Variants in MTAP observed in about 807,000 individuals in gnomAD.
MTAP encodes the protein S-methyl-5'-thioadenosine phosphorylase.
Under a neutral mutation model 33.6 loss-of-function variants are expected in MTAP, and 33 were observed. The ratio of observed to expected loss-of-function variants is 0.98; its 90% CI spans 0.74 to 1.31. The LOEUF (loss-of-function observed/expected upper bound fraction) is 1.31, where lower values mean the gene tolerates loss of function less well. Among genes scored for constraint, MTAP ranks in the 40% most tolerant of loss-of-function variants. The pLI, the probability that MTAP is intolerant of heterozygous loss-of-function variation, is 0.00. For synonymous variants in MTAP, 148 were observed against 125.7 expected (o/e 1.18, Z -1.19); for missense variants, 367 against 360.0 (o/e 1.02, Z -0.16).
intron 1 of MTAP, among the ~76,000 whole-genome samples, chr9:21,907,742 G>A (rs1429827633): frequency 1.3e-5 from 2 of 151,504 alleles, no homozygotes; most frequent in Non-Finnish European, 2.9e-5. Flanking sequence ...TAAGTCACAA[G>A]AAAAAATTTT....
At chr9:21,927,881 A>T (rs1288126199) in intron 1 of MTAP, among the ~76,000 whole-genome samples, 1 of 152,248 alleles carries the variant, frequency 6.6e-6, no homozygotes, top group South Asian at 2.1e-4. Flanking sequence ...TACTCCTATT[A>T]CATAGAGACC....
At chr9:21,832,484 CCTCA>C (rs970137373) in intron 4 of MTAP, among the ~76,000 whole-genome samples, 1 of 152,186 alleles carries the variant, frequency 6.6e-6, no homozygotes, top group Non-Finnish European at 1.5e-5. Context: ...TACTCATTTC[CCTCA>C]CTCTTTAGCT....
intron 1 of MTAP, chr9:21,808,687 A>T (rs1158599556): frequency 6.6e-6 from 1 of 152,168 alleles, no homozygotes; most frequent in African/African-American, 2.4e-5. Context: ...GGCTAAAATT[A>T]ACATGTGTAT....
At chr9:21,894,708 C>T (rs1818259897) in intron 1 of MTAP, among the ~76,000 whole-genome samples, 1 of 151,666 alleles carries the variant, frequency 6.6e-6, no homozygotes. Context: ...AACAAACCTG[C>T]ACGTTGTGCA....
At chr9:21,805,623 G>A (rs925902948) in intron 1 of MTAP, among the ~76,000 whole-genome samples, 47 of 152,146 alleles carry the variant, frequency 3.1e-4, no homozygotes, top group African/African-American at 1.1e-3. Flanking sequence ...GCGTGATTGG[G>A]GTCATAAAGG....
At chr9:21,832,769 CA>C (rs1247072459) in intron 4 of MTAP, among the ~76,000 whole-genome samples, 6 of 152,180 alleles carry the variant, frequency 3.9e-5, no homozygotes, top group Non-Finnish European at 5.9e-5. Flanking sequence ...TTAGGTGTCA[CA>C]ATCAGTTAAT....
At chr9:21,908,603 C>T (rs1818513373) in intron 1 of MTAP, among the ~76,000 whole-genome samples, 1 of 152,078 alleles carries the variant, frequency 6.6e-6, no homozygotes, top group Admixed American at 6.6e-5. Context: ...CTGACAATCT[C>T]TGTCTTTTAA....
chr9:21,847,067 A>G lies in MTAP; in HGVS notation c.451-7564A>G, dbSNP rs982249601. ...AATCAGCTGCCAGCATGGCTAGAAT[A>G]TAAGCAGGCAGAAAAATGTGAAAAG... On this transcript the variant is annotated intron_variant, in intron 5 of 7. Transcript: ENST00000644715. Among the ~76,000 whole-genome samples, 6 of 152,272 alleles carry G rather than the reference A, an allele frequency of 3.9e-5. No individual in the cohort carries two copies. The South Asian group carries it at 1.2e-3, about 32-fold the overall frequency.
chr9:21,870,567 C>T (rs1825920952), downstream of MTAP, among the ~76,000 whole-genome samples: 1 of 151,948 alleles, frequency 6.6e-6, no homozygotes, highest in African/African-American at 2.4e-5. Flanking sequence ...ATATGTGAGC[C>T]AATATGTAAT....
At chr9:21,869,103 C>T (rs1238146645), downstream of MTAP, among the ~76,000 whole-genome samples, 2 of 152,136 alleles carry the variant, frequency 1.3e-5, 1 homozygote, top group Non-Finnish European at 2.9e-5. Flanking sequence ...TTTCAGCACA[C>T]AAATATACTT....
intron 3 of MTAP, among the ~76,000 whole-genome samples, chr9:21,817,067 C>T (rs908435751): frequency 2.0e-5 from 3 of 152,106 alleles, no homozygotes; most frequent in Non-Finnish European, 2.9e-5. Context: ...TTTCCCCCTT[C>T]TTATAAAGAT....
chr9:21,814,942 TTTC>T (rs757835763), intron 1 of MTAP, among the ~76,000 whole-genome samples: 15 of 152,232 alleles, frequency 9.9e-5, no homozygotes, highest in Non-Finnish European at 2.2e-4. Context: ...TAATCTCTCA[TTTC>T]TTTATCAAAT....
chr9:21,807,651 C>A (rs906252757), intron 1 of MTAP, among the ~76,000 whole-genome samples: 1 of 152,066 alleles, frequency 6.6e-6, no homozygotes, highest in African/African-American at 2.4e-5. Context: ...AGTTGAGGAC[C>A]CCAAGGCTAA....
chr9:21,821,998 C>T (rs1824654659), intron 4 of MTAP, among the ~76,000 whole-genome samples: 2 of 152,124 alleles, frequency 1.3e-5, no homozygotes, highest in South Asian at 4.2e-4. Flanking sequence ...TTTTTTATTG[C>T]ATCTATTTGA....
At chr9:21,935,357 A>C (rs1052119362), downstream of MTAP, 9 of 152,146 alleles carry the variant, frequency 5.9e-5, no homozygotes, top group African/African-American at 2.2e-4. Flanking sequence ...TGAGAACTGC[A>C]ATGTGGGAGA....
chr9:21,936,962 TA>T (rs1039174444), exon 8 of MTAP: 5 of 152,270 alleles, frequency 3.3e-5, no homozygotes, highest in African/African-American at 1.2e-4. Flanking sequence ...AGATAAAATC[TA>T]AATGGATACA....
In MTAP at chr9:21,833,917, C is replaced by T. The variant is rs922290988; in HGVS notation, c.348-3991C>T. 2.0e-5 allele frequency among the ~76,000 whole-genome samples: 3 copies of T among 152,306 alleles called. No individual in the cohort carries two copies. The East Asian group carries it at 5.8e-4, about 29-fold the overall frequency. ...GCTTTTCTCCCTCTCTTTGAAAGTG[C>T]CAGTGTTCTTCCTTTCACTCTCTTG... is the stretch of plus-strand genomic sequence containing the variant. On this transcript the variant is annotated intron_variant, in intron 4 of 7. Coordinates refer to ENST00000644715, the MANE Select transcript of MTAP (RefSeq NM_002451.4).
chr9:21,902,238 G>A (rs896339022), intron 1 of MTAP, among the ~76,000 whole-genome samples: 1 of 152,196 alleles, frequency 6.6e-6, no homozygotes, highest in East Asian at 1.9e-4. Context: ...CAGTTCCACA[G>A]ATACTACCAT....
intron 1 of MTAP, among the ~76,000 whole-genome samples, chr9:21,882,275 A>G (rs956399319): frequency 1.3e-5 from 2 of 152,016 alleles, no homozygotes; most frequent in Non-Finnish European, 2.9e-5. Flanking sequence ...ATTTTATTTT[A>G]TACTACGTTT....
Sources: allele counts gnomAD v4.1 joint callset (sites outside exome capture counted in the v4.1 genomes callset), GRCh38; gene constraint gnomAD v4.1.1; transcripts MANE v1.5; gene names NCBI Gene and HGNC (gene_info 2026-07-23, HGNC 2026-07-21).